Variants in FSTL5 observed in about 807,000 individuals in gnomAD.
FSTL5 encodes the protein follistatin-related protein 5.
A neutral mutation model predicts 89.1 loss-of-function variants in FSTL5; 62 were observed. That is an observed-to-expected ratio of 0.70 (90% confidence interval 0.57 to 0.86). The LOEUF (loss-of-function observed/expected upper bound fraction) is 0.86. Among genes scored for constraint, FSTL5 ranks in the 40% least tolerant of loss-of-function variants. FSTL5 has a pLI of 0.00. For synonymous variants in FSTL5, 383 were observed against 346.2 expected (o/e 1.11, Z -1.18); for missense variants, 1,057 against 1,001.6 (o/e 1.06, Z -0.75).
At chr4:161,499,541 C>CT (rs771094635) in intron 12 of FSTL5, among the ~76,000 whole-genome samples, 2 of 152,030 alleles carry the variant, frequency 1.3e-5, no homozygotes, top group African/African-American at 2.4e-5. Context: ...GATATTTTCC[C>CT]TTATTTATCT....
chr4:162,107,457 T>C (rs1340389209), intron 2 of FSTL5, among the ~76,000 whole-genome samples: 2 of 152,134 alleles, frequency 1.3e-5, no homozygotes, highest in Non-Finnish European at 2.9e-5. Context: ...GGCTCAAAAT[T>C]TGCCAGTGTC....
At chr4:161,525,487 T>C (rs973351145) in intron 10 of FSTL5, among the ~76,000 whole-genome samples, 3 of 152,192 alleles carry the variant, frequency 2.0e-5, no homozygotes, top group East Asian at 3.9e-4. Context: ...TTCACACACA[T>C]TTGAATTACA....
chr4:161,958,807 A>G (rs1322256099), intron 3 of FSTL5, among the ~76,000 whole-genome samples: 1 of 152,128 alleles, frequency 6.6e-6, no homozygotes, highest in Non-Finnish European at 1.5e-5. Context: ...GCTAACTTTG[A>G]AGCCATTGAA....
At chr4:161,707,492 T>C (rs1738621993) in intron 6 of FSTL5, among the ~76,000 whole-genome samples, 1 of 151,912 alleles carries the variant, frequency 6.6e-6, no homozygotes, top group Non-Finnish European at 1.5e-5. Flanking sequence ...TGCCATAAAA[T>C]TTGTTACGGC....
chr4:161,701,952 A>G (rs1380207022), intron 6 of FSTL5, among the ~76,000 whole-genome samples: 4 of 152,124 alleles, frequency 2.6e-5, no homozygotes, highest in Non-Finnish European at 4.4e-5. Flanking sequence ...TTACTTCATT[A>G]CAATGATATA....
chr4:161,409,418 C>T (rs912507067), intron 15 of FSTL5, among the ~76,000 whole-genome samples: 3 of 151,858 alleles, frequency 2.0e-5, no homozygotes, highest in African/African-American at 7.3e-5. Context: ...GAGTCTTGCT[C>T]TGTCACTAGG....
intron 4 of FSTL5, among the ~76,000 whole-genome samples, chr4:161,915,247 A>G (rs1052884571): frequency 2.0e-5 from 3 of 152,024 alleles, no homozygotes; most frequent in African/African-American, 7.2e-5. Context: ...TGTTATTATT[A>G]TTATCACTAG....
intron 11 of FSTL5, among the ~76,000 whole-genome samples, chr4:161,508,374 A>G (rs1173819039): frequency 6.6e-6 from 1 of 152,182 alleles, no homozygotes; most frequent in Non-Finnish European, 1.5e-5. Context: ...GTATGTAGAA[A>G]AAAAGACTTT....
chr4:161,462,789 T>A (rs1427364704), intron 13 of FSTL5, among the ~76,000 whole-genome samples: 1 of 152,102 alleles, frequency 6.6e-6, no homozygotes, highest in Non-Finnish European at 1.5e-5. Flanking sequence ...TGTTTCAAGG[T>A]TAGATGTGCA....
chr4:161,684,742 T>C (rs1157754075), intron 6 of FSTL5, among the ~76,000 whole-genome samples: 2 of 152,212 alleles, frequency 1.3e-5, no homozygotes, highest in Non-Finnish European at 2.9e-5. Context: ...GACTGTTCCT[T>C]TTGCCGTGCA....
intron 10 of FSTL5, 149 bp from the exon 11 acceptor site, chr4:161,510,573 A>C: frequency 2.0e-6 from 1 of 490,000 alleles, no homozygotes; most frequent in Non-Finnish European, 3.6e-6. Context: ...GAGCTACTTT[A>C]AATTAACAAA....
intron 3 of FSTL5, among the ~76,000 whole-genome samples, chr4:161,945,337 T>C (rs188841378): frequency 2.6e-5 from 4 of 152,334 alleles, no homozygotes; most frequent in Admixed American, 2.6e-4. Flanking sequence ...TTGAGAACTC[T>C]ATAAATAATT....
At chr4:162,108,673 T>A (rs551820232) in intron 2 of FSTL5, among the ~76,000 whole-genome samples, 1 of 151,974 alleles carries the variant, frequency 6.6e-6, no homozygotes, top group East Asian at 1.9e-4. Context: ...TTAATTTGTA[T>A]GATGCTATTA....
At chr4:161,732,161 A>T (rs1471819357) in intron 6 of FSTL5, among the ~76,000 whole-genome samples, 1 of 152,124 alleles carries the variant, frequency 6.6e-6, no homozygotes, top group Non-Finnish European at 1.5e-5. Context: ...CAGTTGCTTC[A>T]TATCTTTGCC....
chr4:162,115,590 T>A (rs2111418662), intron 1 of FSTL5, among the ~76,000 whole-genome samples: 1 of 152,112 alleles, frequency 6.6e-6, no homozygotes, highest in African/African-American at 2.4e-5. Flanking sequence ...CCTGTGACTT[T>A]TCCTTGTAAC....
chr4:161,664,454 T>C (rs1318339207), intron 6 of FSTL5, among the ~76,000 whole-genome samples: 1 of 152,194 alleles, frequency 6.6e-6, no homozygotes, highest in Non-Finnish European at 1.5e-5. Context: ...ATGCTGCCAG[T>C]CTCTTTGCTA....
At chr4:161,839,918 G>A (rs1358849341) in intron 4 of FSTL5, among the ~76,000 whole-genome samples, 1 of 152,186 alleles carries the variant, frequency 6.6e-6, no homozygotes, top group Non-Finnish European at 1.5e-5. Flanking sequence ...GAATGAGTTT[G>A]CTTCAGGAGA....
chr4:161,829,673 G>A (rs1224154668), intron 4 of FSTL5, among the ~76,000 whole-genome samples: 1 of 152,046 alleles, frequency 6.6e-6, no homozygotes, highest in Non-Finnish European at 1.5e-5. Flanking sequence ...GACCCTAACA[G>A]CAGGTGATTA....
intron 4 of FSTL5, among the ~76,000 whole-genome samples, chr4:161,816,585 G>GTTT (rs1195812878): frequency 2.0e-5 from 3 of 151,980 alleles, no homozygotes; most frequent in Non-Finnish European, 2.9e-5. Flanking sequence ...TTTACAAAGG[G>GTTT]GTAAAAGCTT....
Sources: gnomAD v4.1 joint callset for allele counts (sites outside exome capture counted in the v4.1 genomes callset) on GRCh38, gnomAD v4.1.1 for gene constraint, MANE v1.5 for transcripts, NCBI Gene and HGNC (gene_info 2026-07-23, HGNC 2026-07-21) for gene names.